The following ERCC6L2 variants were observed in gnomAD, a reference collection of about 807,000 sequenced individuals.
ERCC6L2 encodes the protein DNA excision repair protein ERCC-6-like 2.
A neutral mutation model predicts 132.0 loss-of-function variants in ERCC6L2; 77 were observed. The ratio of observed to expected loss-of-function variants is 0.58; its 90% CI spans 0.49 to 0.71. The LOEUF (loss-of-function observed/expected upper bound fraction) is 0.71, where lower values mean the gene tolerates loss of function less well. Ranked by LOEUF, ERCC6L2 falls within the 30% of genes least tolerant of loss-of-function variation. The pLI is 0.00. For missense variants in ERCC6L2, 1,542 were observed against 1,837.6 expected, an observed-to-expected ratio of 0.84 and a Z score of 2.94; for synonymous variants, 583 against 632.4, an observed-to-expected ratio of 0.92 and a Z score of 1.17.
chr9:95,993,750 T>C (rs1393487245), intron 17 of ERCC6L2, among the ~76,000 whole-genome samples: 4 of 152,170 alleles, frequency 2.6e-5, no homozygotes, highest in Admixed American at 6.5e-5. Flanking sequence ...CAAAGCACTA[T>C]TGAAAAAAGA....
At chr9:95,983,983 T>A (rs1832989677) in intron 17 of ERCC6L2, among the ~76,000 whole-genome samples, 1 of 152,102 alleles carries the variant, frequency 6.6e-6, no homozygotes, top group African/African-American at 2.4e-5. Context: ...CAAACCAGTC[T>A]TTTAATTTTT....
intron 7 of ERCC6L2, 74 bp downstream of exon 7, chr9:95,921,389 G>T: frequency 8.2e-7 from 1 of 1,224,568 alleles, no homozygotes. Flanking sequence ...AAAGAAAGTA[G>T]CAGATGATAA....
intron 11 of ERCC6L2, among the ~76,000 whole-genome samples, chr9:95,937,691 GTTTCA>G (rs143877737): frequency 0.02 from 2,963 of 151,710 alleles, 103 homozygotes; most frequent in African/African-American, 0.069. Flanking sequence ...GATATCCCTT[GTTTCA>G]TTTCTAATAT....
At chr9:96,021,269 A>G (rs1834283819), downstream of ERCC6L2, 1 of 346,480 alleles carries the variant, frequency 2.9e-6, no homozygotes, top group South Asian at 2.1e-5. The surrounding 1 kb of genome is among the most constrained non-coding windows in gnomAD (Gnocchi z 4.7). Context: ...CCTCCGAATC[A>G]GGCTGCTTTT....
intron 2 of ERCC6L2, among the ~76,000 whole-genome samples, chr9:95,884,930 A>T (rs982111151): frequency 2.6e-5 from 4 of 152,166 alleles, no homozygotes; most frequent in Non-Finnish European, 4.4e-5. Context: ...GGTAGGAAAG[A>T]CTTGAGTATT....
intron 12 of ERCC6L2, among the ~76,000 whole-genome samples, chr9:95,945,668 T>C (rs1413910856): frequency 6.6e-6 from 1 of 152,258 alleles, no homozygotes; most frequent in African/African-American, 2.4e-5. Context: ...TCACAATTTA[T>C]GTTCTTCTGC....
At chr9:95,896,598 A>G (rs1315011094) in intron 2 of ERCC6L2, among the ~76,000 whole-genome samples, 2 of 151,250 alleles carry the variant, frequency 1.3e-5, no homozygotes, top group African/African-American at 4.9e-5. Flanking sequence ...TAATTTTTCT[A>G]ATTTTTGTAG....
chr9:95,909,934 A>G (rs1829264255), intron 4 of ERCC6L2, among the ~76,000 whole-genome samples: 2 of 152,188 alleles, frequency 1.3e-5, no homozygotes, highest in East Asian at 1.9e-4. Context: ...ATTCTCAGCA[A>G]CGTTTGGTAT....
intron 3 of ERCC6L2, among the ~76,000 whole-genome samples, chr9:95,900,679 A>ATG (rs1313354772): frequency 1.3e-5 from 2 of 151,966 alleles, no homozygotes; most frequent in Non-Finnish European, 2.9e-5. Flanking sequence ...TTATGCTTTG[A>ATG]TGTAGTGCAT....
intron 2 of ERCC6L2, among the ~76,000 whole-genome samples, chr9:95,892,510 G>A (rs1828226481): frequency 1.4e-5 from 2 of 146,370 alleles, no homozygotes; most frequent in South Asian, 4.3e-4. Flanking sequence ...TGCAACCTCT[G>A]CCTCCTGGTT....
intron 15 of ERCC6L2, 40 bp downstream of exon 15, chr9:95,970,696 A>C (rs1490616210): frequency 8.1e-7 from 1 of 1,229,928 alleles, no homozygotes; most frequent in Non-Finnish European, 1.1e-6. Flanking sequence ...ACACCTAGAA[A>C]ACATGTACTG....
chr9:96,013,395 A>G lies in ERCC6L2; in HGVS notation c.*192A>G, dbSNP rs187711486. 3.3e-5 allele frequency: 12 copies of G among 364,424 alleles called. No individual in the cohort carries two copies. The East Asian group carries it at 9.6e-4, about 29-fold the overall frequency. 22.6% of individuals were successfully genotyped at this position (364,424 alleles called of 1,614,324 possible). ...TTGATATTTGATTTGATCTTTCAAG[A>G]ATATGATTGTATTTATAGTATAAAC... On this transcript the variant is annotated 3_prime_UTR_variant, in exon 19 of 19. Transcript: ENST00000653738.
intron 16 of ERCC6L2, among the ~76,000 whole-genome samples, chr9:95,976,095 A>G (rs918927105): frequency 1.3e-5 from 2 of 151,986 alleles, no homozygotes; most frequent in African/African-American, 4.8e-5. Context: ...ATATGAAATT[A>G]TTTCCCCTGA....
intron 1 of ERCC6L2, among the ~76,000 whole-genome samples, chr9:95,880,156 A>G (rs774862763): frequency 1.2e-4 from 19 of 152,298 alleles, no homozygotes; most frequent in Non-Finnish European, 2.4e-4. Context: ...CATCTCTTAA[A>G]GTAAATATTC....
intron 17 of ERCC6L2, among the ~76,000 whole-genome samples, chr9:95,994,274 G>T (rs892400103): frequency 6.6e-6 from 1 of 152,122 alleles, no homozygotes; most frequent in Admixed American, 6.5e-5. Flanking sequence ...CCTGGGATGG[G>T]CAGATCCTTT....
At position 96,017,869 on chromosome 9, in the gene ERCC6L2, T is replaced by C. The variant is rs566958492; in HGVS notation, c.*4666T>C. 2.4e-3 allele frequency among the ~76,000 whole-genome samples: 361 copies of C among 150,978 alleles called. 1 individual carries two copies. The highest frequency in any genetic ancestry group is 3.3e-3 in the Non-Finnish European group (226 of 67,708). ...AGAAAGCATTCCAAGTACCTATCGA[T>C]GAATAAGCAAAATATTACACACACA... is the stretch of plus-strand genomic sequence containing the variant. On this transcript the variant is annotated 3_prime_UTR_variant, in exon 19 of 19. Coordinates refer to ENST00000653738, the MANE Select transcript of ERCC6L2 (RefSeq NM_020207.7).
chr9:95,917,606 A>C (rs1829662600), intron 6 of ERCC6L2, among the ~76,000 whole-genome samples: 1 of 152,356 alleles, frequency 6.6e-6, no homozygotes, highest in African/African-American at 2.4e-5. Flanking sequence ...AAAATGTTTT[A>C]TGCAACTTCA....
chr9:96,022,983 A>G (rs1391258876), downstream of ERCC6L2, among the ~76,000 whole-genome samples: 2 of 152,150 alleles, frequency 1.3e-5, no homozygotes, highest in Non-Finnish European at 2.9e-5. Flanking sequence ...ACTTCTGGCC[A>G]CTTCCTTTAC....
At chr9:96,039,558 T>G (rs1754371784) in intron 20 of ERCC6L2, among the ~76,000 whole-genome samples, 2 of 152,094 alleles carry the variant, frequency 1.3e-5, no homozygotes, top group Admixed American at 1.3e-4. Context: ...GCAGTGGGAC[T>G]TGGCTTGGGG....
Sources: gnomAD v4.1 joint callset for allele counts (sites outside exome capture counted in the v4.1 genomes callset) on GRCh38, gnomAD v4.1.1 for gene constraint, Gnocchi (gnomAD v3.1) non-coding constraint, MANE v1.5 for transcripts, NCBI Gene and HGNC (gene_info 2026-07-23, HGNC 2026-07-21) for gene names.